The following FILIP1L variants were observed in gnomAD, a reference collection of about 807,000 sequenced individuals.
FILIP1L encodes the protein filamin A-interacting protein 1-like.
Under a neutral mutation model 96.6 loss-of-function variants are expected in FILIP1L, and 55 were observed. The ratio of observed to expected loss-of-function variants is 0.57; its 90% CI spans 0.46 to 0.71. The LOEUF (loss-of-function observed/expected upper bound fraction) is 0.71, where lower values mean the gene tolerates loss of function less well. Among genes scored for constraint, FILIP1L ranks in the 30% least tolerant of loss-of-function variants. FILIP1L has a pLI of 0.00. For missense variants in FILIP1L, 1,304 were observed against 1,321.2 expected, an observed-to-expected ratio of 0.99 and a Z score of 0.20; for synonymous variants, 467 against 473.9, an observed-to-expected ratio of 0.99 and a Z score of 0.19.
At chr3:99,852,481 C>G (rs1303604297) in intron 4 of FILIP1L, among the ~76,000 whole-genome samples, 1 of 152,022 alleles carries the variant, frequency 6.6e-6, no homozygotes, top group African/African-American at 2.4e-5. Flanking sequence ...GAGTCTCACT[C>G]TGTCGCCAGG....
In FILIP1L at chr3:99,891,201, C is replaced by T. The variant is rs115104578; in HGVS notation, c.605+33029G>A. 4.4e-3 allele frequency among the ~76,000 whole-genome samples: 664 copies of T among 151,760 alleles called. 7 individuals are homozygous for T. The highest frequency in any genetic ancestry group is 0.016 in the African/African-American group (651 of 41,376). ...CATGGAAAGCAGTTTTCCTTGCAGT[C>T]CTTTAGAGGTTGATTTTGTTTCTAA... On this transcript the variant is annotated intron_variant, in intron 4 of 5. Coordinates refer to ENST00000477258, the MANE Select transcript of FILIP1L (RefSeq NM_001387850.1).
intron 4 of FILIP1L, among the ~76,000 whole-genome samples, chr3:99,901,067 G>A (rs1706419759): frequency 6.6e-6 from 1 of 152,212 alleles, no homozygotes; most frequent in Admixed American, 6.5e-5. Flanking sequence ...AACATTTGGT[G>A]TGGAATTTAC....
chr3:100,083,094 T>C (rs1343678428), intron 1 of FILIP1L, among the ~76,000 whole-genome samples: 2 of 152,206 alleles, frequency 1.3e-5, no homozygotes, highest in Admixed American at 1.3e-4. Context: ...AATAAAATCA[T>C]GTATGGATTT....
At chr3:99,900,571 A>T (rs754001757) in intron 4 of FILIP1L, among the ~76,000 whole-genome samples, 1 of 152,236 alleles carries the variant, frequency 6.6e-6, no homozygotes, top group African/African-American at 2.4e-5. Context: ...GCCCTATGTT[A>T]TAACTAAGGT....
chr3:100,056,779 C>T (rs371445285), intron 1 of FILIP1L, among the ~76,000 whole-genome samples: 3 of 151,672 alleles, frequency 2.0e-5, no homozygotes, highest in East Asian at 1.9e-4. Context: ...GCAGGCCGGG[C>T]GGATCACGAG....
At chr3:99,988,527 A>AAAAAAG (rs1559715935) in intron 1 of FILIP1L, among the ~76,000 whole-genome samples, 1 of 130,248 alleles carries the variant, frequency 7.7e-6, no homozygotes, top group Non-Finnish European at 1.6e-5. Flanking sequence ...AAAAAAAAAA[A>AAAAAAG]AAAGAAAGAA....
chr3:99,917,630 A>G (rs1425835328), intron 4 of FILIP1L, among the ~76,000 whole-genome samples: 4 of 152,220 alleles, frequency 2.6e-5, no homozygotes, highest in Admixed American at 1.3e-4. Flanking sequence ...AATTTTTTAT[A>G]GTTATCTGGT....
At chr3:99,840,745 A>T (rs1265151405) in intron 5 of FILIP1L, among the ~76,000 whole-genome samples, 1 of 152,258 alleles carries the variant, frequency 6.6e-6, no homozygotes, top group Non-Finnish European at 1.5e-5. Flanking sequence ...GATCTTAAAG[A>T]TCACCAAGTT....
intron 1 of FILIP1L, among the ~76,000 whole-genome samples, chr3:99,979,824 G>C (rs375813860): frequency 2.0e-5 from 3 of 152,136 alleles, no homozygotes; most frequent in African/African-American, 7.2e-5. Context: ...ATTTAGTTGG[G>C]AGACAAGATG....
intron 4 of FILIP1L, among the ~76,000 whole-genome samples, chr3:99,901,216 G>A (rs1262638566): frequency 2.0e-5 from 3 of 152,178 alleles, no homozygotes; most frequent in Non-Finnish European, 4.4e-5. Context: ...AAAACAAAAT[G>A]GCTACACGTT....
Position 100,036,450 on chromosome 3 carries a change from C to T in FILIP1L, c.-11+77603G>A, listed in dbSNP as rs376481717. Among the ~76,000 whole-genome samples, 7 of 151,892 alleles carry T rather than the reference C, an allele frequency of 4.6e-5. No individual in the cohort carries two copies. In the East Asian group the frequency reaches 7.7e-4, roughly 17 times the overall value. ...GCCTAATCTGAAACAACCTGAAGAG[C>T]GAAATAATTATAAAATGGAAGGTGA... is the stretch of plus-strand genomic sequence containing the variant. On this transcript the variant is annotated intron_variant, in intron 1 of 5. Coordinates refer to ENST00000477258, the MANE Select transcript of FILIP1L (RefSeq NM_001387850.1).
chr3:99,967,971 C>T (rs1708702761), intron 1 of FILIP1L, among the ~76,000 whole-genome samples: 1 of 152,184 alleles, frequency 6.6e-6, no homozygotes, highest in South Asian at 2.1e-4. Context: ...TTCAGCACAT[C>T]TACTTGGGCA....
chr3:100,033,335 G>A (rs559836018), intron 1 of FILIP1L, among the ~76,000 whole-genome samples: 47 of 152,142 alleles, frequency 3.1e-4, no homozygotes, highest in African/African-American at 9.2e-4. Context: ...CACCTCTATC[G>A]AGTGGCAGCC....
chr3:100,009,091 C>T (rs1576637672), intron 1 of FILIP1L, among the ~76,000 whole-genome samples: 1 of 152,114 alleles, frequency 6.6e-6, no homozygotes, highest in African/African-American at 2.4e-5. Flanking sequence ...AAAAATAAAG[C>T]TTCTTTGGCC....
At chr3:100,037,936 TTTC>T (rs1236184316) in intron 1 of FILIP1L, among the ~76,000 whole-genome samples, 1 of 146,244 alleles carries the variant, frequency 6.8e-6, no homozygotes, top group Non-Finnish European at 1.5e-5. Context: ...TTTAATCGCT[TTTC>T]TTTTTTTTTT....
chr3:99,862,261 G>GA (rs1944301794), intron 4 of FILIP1L, among the ~76,000 whole-genome samples: 1 of 151,866 alleles, frequency 6.6e-6, no homozygotes, highest in East Asian at 1.9e-4. Context: ...TGGCATATTG[G>GA]AAAAAAAAGT....
chr3:100,056,727 C>A (rs566500006), intron 1 of FILIP1L, among the ~76,000 whole-genome samples: 1 of 150,634 alleles, frequency 6.6e-6, no homozygotes, highest in African/African-American at 2.4e-5. Context: ...GGGCCGGGCG[C>A]GGTGGCTCAC....
In FILIP1L at chr3:99,989,179, A is replaced by T. The variant is rs146936227; in HGVS notation, c.-10-58149T>A. Among the ~76,000 whole-genome samples, 1,095 of 152,220 alleles carry T rather than the reference A, an allele frequency of 7.2e-3. 4 individuals are homozygous for T. Among genetic ancestry groups the T allele is most frequent in the African/African-American group, 1.0e-2 (415 of 41,532 alleles). On this transcript the variant is annotated intron_variant, in intron 1 of 5. Coordinates refer to ENST00000477258, the MANE Select transcript of FILIP1L (RefSeq NM_001387850.1). Reference sequence around the variant, plus strand: ...CATGGGTATTATAATTTTCTTGGAGATAAATTAAATGTAAGTTTAGTGAGG... The same window carrying T: ...CATGGGTATTATAATTTTCTTGGAGTTAAATTAAATGTAAGTTTAGTGAGG...
chr3:99,930,064 G>C (rs1433661453), intron 2 of FILIP1L, 35 bp from the exon 3 acceptor site: 2 of 1,554,666 alleles, frequency 1.3e-6, no homozygotes, highest in Non-Finnish European at 8.7e-7. Flanking sequence ...AAAGCCTGCT[G>C]TCTCTACCAG....
Sources: gnomAD v4.1 joint callset for allele counts (sites outside exome capture counted in the v4.1 genomes callset) on GRCh38, gnomAD v4.1.1 for gene constraint, MANE v1.5 for transcripts, NCBI Gene and HGNC (gene_info 2026-07-23, HGNC 2026-07-21) for gene names.